Variants in TUBGCP3 observed in about 807,000 individuals in gnomAD.
The protein encoded by TUBGCP3 is tubulin gamma complex component 3, also known as gamma-tubulin complex component 3.
A neutral mutation model predicts 123.1 loss-of-function variants in TUBGCP3; 50 were observed. The ratio of observed to expected loss-of-function variants is 0.41; its 90% CI spans 0.32 to 0.51. The LOEUF (loss-of-function observed/expected upper bound fraction) is 0.51. Ranked by LOEUF, TUBGCP3 falls within the 20% of genes least tolerant of loss-of-function variation. The pLI is 0.36. For missense variants in TUBGCP3, 882 were observed against 1,127.0 expected (o/e 0.78, Z 3.11); for synonymous variants, 405 against 413.9 (o/e 0.98, Z 0.26).
In TUBGCP3 at chr13:112,511,722, G is replaced by A. The variant is rs1594125262; in HGVS notation, c.2086+4718C>T. Among the ~76,000 whole-genome samples the A allele has an allele frequency of 6.6e-6, 1 of 152,088 alleles. No homozygotes were observed. Among genetic ancestry groups the A allele is most frequent in the African/African-American group, 2.4e-5 (1 of 41,406 alleles). ...TAAACCTTCATTTACCTTATTATTC[G>A]ATATATTGGGCCAAAACCAAATTTG... On this transcript the variant is annotated intron_variant, in intron 17 of 21. Transcript: ENST00000261965. The surrounding 1 kb of genome is among the most constrained non-coding windows in gnomAD (Gnocchi z 4.1).
In TUBGCP3 at chr13:112,508,491, C is replaced by T. The variant is rs895701308; in HGVS notation, c.2087-3777G>A. 1.3e-5 allele frequency among the ~76,000 whole-genome samples: 2 copies of T among 152,152 alleles called. No homozygotes were observed. Among genetic ancestry groups the T allele is most frequent in the East Asian group, 3.9e-4 (2 of 5,176 alleles). On this transcript the variant is annotated intron_variant, in intron 17 of 21. Transcript: ENST00000261965. This position sits in a 1 kb window ranked among gnomAD's most constrained non-coding sequence, Gnocchi z 4.2. The stretch of plus-strand genomic sequence containing the variant: ...ACAGACAGGTCTACAGCCCCCACCC[C>T]AACCCCATCTTCCTCCTAGCCACGG...
chr13:112,526,803 A>ACATCACCAT (rs1278052837), intron 13 of TUBGCP3, 139 bp downstream of exon 13: 2 of 638,970 alleles, frequency 3.1e-6, no homozygotes, highest in Non-Finnish European at 5.4e-6. Flanking sequence ...CATTATCATC[A>ACATCACCAT]CATCACCATC....
chr13:112,533,618 A>T (rs1465922065), intron 11 of TUBGCP3, among the ~76,000 whole-genome samples: 1 of 152,004 alleles, frequency 6.6e-6, no homozygotes, highest in East Asian at 1.9e-4. Context: ...TGTCGTCAAC[A>T]GGAACCACAC....
rs762102204 is a variant in TUBGCP3 at position 112,527,528 on chromosome 13, G to A, written c.1336-44C>T. ...GGAAATGTTCAAGAGTGATATTTAT[G>A]GCAAAATATTAACCAACAGCAACAT... On this transcript the variant is annotated intron_variant, in intron 11 of 21. Coordinates refer to ENST00000261965, the MANE Select transcript of TUBGCP3 (RefSeq NM_006322.6). The A allele has an allele frequency of 3.6e-6, 5 of 1,371,276 alleles. No homozygotes were observed. The South Asian group carries it at 5.9e-5, about 16-fold the overall frequency. 84.9% of individuals were successfully genotyped at this position (1,371,276 alleles called of 1,614,324 possible).
chr13:112,550,966 G>A (rs1425787949), intron 8 of TUBGCP3, among the ~76,000 whole-genome samples: 1 of 152,170 alleles, frequency 6.6e-6, no homozygotes, highest in African/African-American at 2.4e-5. Context: ...GGGCGTGGTG[G>A]TGGGTGCCTG....
At position 112,559,322 on chromosome 13, in the gene TUBGCP3, C is replaced by T. The variant is rs1880309827; in HGVS notation, c.330G>A (p.Lys110=). Residue 110 remains lysine, a splice_region_variant and synonymous_variant, in exon 4 of 22, where the codon AAG becomes AAA. Coordinates refer to ENST00000261965, the MANE Select transcript of TUBGCP3 (RefSeq NM_006322.6). ...LSEDPRRQPS[K]VSSYATLFAQ... is the part of the protein sequence containing the mutation. ...ACGCTGCAAAGGCAAAGCCACTTAC[C>T]TTGCTTGGCTGCCTGCGTGGGTCCT... is the stretch of plus-strand genomic sequence containing the variant. 1 of 1,610,598 alleles carries T rather than the reference C, an allele frequency of 6.2e-7. No homozygotes were observed. The highest frequency in any genetic ancestry group is 8.5e-7 in the Non-Finnish European group (1 of 1,178,500).
chr13:112,502,020 T>C (rs1034204142), intron 19 of TUBGCP3, among the ~76,000 whole-genome samples: 5 of 152,202 alleles, frequency 3.3e-5, no homozygotes. Context: ...ACTGGACTGA[T>C]ATCAGTATGG....
Position 112,516,423 on chromosome 13 carries a change from C to G in TUBGCP3, c.2086+17G>C. 6.3e-7 allele frequency: 1 copy of G among 1,582,410 alleles called. No individual in the cohort carries two copies. Among genetic ancestry groups the G allele is most frequent in the East Asian group, 2.3e-5 (1 of 43,800 alleles). On this transcript the variant is annotated intron_variant, in intron 17 of 21. Transcript: ENST00000261965. The stretch of plus-strand genomic sequence containing the variant: ...GCTGGGAGTGTGTGCGGACCCGTGA[C>G]CGTGCTGGGGGCTCACCTGGCATGT...
At chr13:112,589,059 C>G (rs1882812859), upstream of TUBGCP3, among the ~76,000 whole-genome samples, 4 of 152,230 alleles carry the variant, frequency 2.6e-5, no homozygotes, top group Admixed American at 2.6e-4. Flanking sequence ...AGGACTGTCT[C>G]CTTGCATGAT....
chr13:112,492,335 T>G (rs528090703), intron 20 of TUBGCP3, among the ~76,000 whole-genome samples: 1 of 152,142 alleles, frequency 6.6e-6, no homozygotes, highest in South Asian at 2.1e-4. Flanking sequence ...CACCAACTTT[T>G]GTCTTTTATT....
At chr13:112,523,101 A>G (rs368452774) in intron 13 of TUBGCP3, among the ~76,000 whole-genome samples, 1 of 152,250 alleles carries the variant, frequency 6.6e-6, no homozygotes, top group Non-Finnish European at 1.5e-5. Flanking sequence ...GACTATACAC[A>G]TAACAGAGCT....
intron 2 of TUBGCP3, 40 bp downstream of exon 2, chr13:112,569,112 T>G (rs756997081): frequency 6.3e-7 from 1 of 1,586,120 alleles, no homozygotes; most frequent in Non-Finnish European, 8.6e-7. Flanking sequence ...CTCTGACGAG[T>G]TTAAGAATCC....
chr13:112,495,206 TAA>T (rs1417788322), intron 20 of TUBGCP3, among the ~76,000 whole-genome samples: 4 of 150,192 alleles, frequency 2.7e-5, no homozygotes, highest in Admixed American at 1.3e-4. Flanking sequence ...GTCTTAGATT[TAA>T]GTCTTTAATC....
Position 112,588,033 on chromosome 13 carries a change from A to C in TUBGCP3, c.-53T>G. 1.5e-6 allele frequency: 2 copies of C among 1,356,606 alleles called. No individual in the cohort carries two copies. The highest frequency in any genetic ancestry group is 3.0e-5 in the African/African-American group (2 of 66,484). The allele number at this position is 1,356,606 out of a possible 1,614,324, so 84.0% of individuals were successfully genotyped here. A position where few individuals can be genotyped will look rare whatever the true frequency, so the allele number is the denominator to read the frequency against. On this transcript the variant is annotated 5_prime_UTR_variant, in exon 1 of 22. Coordinates refer to ENST00000261965, the MANE Select transcript of TUBGCP3 (RefSeq NM_006322.6). ...CGGGCAGAGCCGCCACTGCCGCCGC[A>C]CGCGCAGGGACCGCGGCCCGCGCCC...
At chr13:112,517,610 A>G (rs889086002) in intron 16 of TUBGCP3, among the ~76,000 whole-genome samples, 3 of 152,228 alleles carry the variant, frequency 2.0e-5, no homozygotes, top group African/African-American at 7.2e-5. Flanking sequence ...TAATTTGTTA[A>G]GGCCGGGCAC....
At chr13:112,587,813 G>T in intron 1 of TUBGCP3, 92 bp downstream of exon 1, 2 of 1,192,206 alleles carry the variant, frequency 1.7e-6, no homozygotes, top group Non-Finnish European at 2.3e-6. Context: ...CTGCATCCTC[G>T]TTCCTCCAGC....
At chr13:112,520,089 A>T in intron 14 of TUBGCP3, 68 bp from the exon 15 acceptor site, 1 of 1,461,120 alleles carries the variant, frequency 6.8e-7, no homozygotes, top group East Asian at 2.5e-5. Flanking sequence ...AAAAACGTAT[A>T]AACTATTAAA....
intron 13 of TUBGCP3, among the ~76,000 whole-genome samples, chr13:112,523,082 G>A (rs1264235869): frequency 1.3e-5 from 2 of 152,192 alleles, no homozygotes; most frequent in African/African-American, 4.8e-5. Context: ...AGAAGAAATT[G>A]CAGGTGGAGA....
At position 112,545,876 on chromosome 13, in the gene TUBGCP3, T is replaced by C; in HGVS notation, c.1169-11A>G. On this transcript the variant is annotated splice_polypyrimidine_tract_variant and intron_variant, in intron 10 of 21. Transcript: ENST00000261965. This position sits in a 1 kb window ranked among gnomAD's most constrained non-coding sequence, Gnocchi z 4.1. Reference sequence around the variant, plus strand: ...CACCTCCTTTCCTTCCTGGGAGAAATGGAGGAAAATACACAAAAACATCCA... The same window carrying C: ...CACCTCCTTTCCTTCCTGGGAGAAACGGAGGAAAATACACAAAAACATCCA... 2 of 1,606,084 alleles carry C rather than the reference T, an allele frequency of 1.2e-6. No homozygotes were observed. The highest frequency in any genetic ancestry group is 1.1e-5 in the South Asian group (1 of 90,950).
Sources: allele counts gnomAD v4.1 joint callset (sites outside exome capture counted in the v4.1 genomes callset), GRCh38; gene constraint gnomAD v4.1.1; non-coding constraint Gnocchi (gnomAD v3.1); transcripts MANE v1.5; gene names NCBI Gene and HGNC (gene_info 2026-07-23, HGNC 2026-07-21).